The following CADM2 variants were observed in gnomAD, a reference collection of about 807,000 sequenced individuals.
CADM2 encodes the protein cell adhesion molecule 2.
Under a neutral mutation model 49.8 loss-of-function variants are expected in CADM2, and 12 were observed. That is an observed-to-expected ratio of 0.24 (90% CI 0.15 to 0.39). The LOEUF is 0.39. Among genes scored for constraint, CADM2 ranks in the 10% least tolerant of loss-of-function variants. CADM2 has a pLI of 1.00. For synonymous variants in CADM2, 214 were observed against 175.4 expected (o/e 1.22, Z -1.74); for missense variants, 378 against 492.3 (o/e 0.77, Z 2.20).
At chr3:85,912,672 C>A (rs979061989) in intron 6 of CADM2, 129 bp downstream of exon 6, 96 of 804,662 alleles carry the variant, frequency 1.2e-4, no homozygotes, top group Non-Finnish European at 1.7e-4. Context: ...TGAAGTAAAA[C>A]TACATTCACT....
chr3:85,930,655 C>G (rs142066407), intron 6 of CADM2, among the ~76,000 whole-genome samples: 1 of 151,862 alleles, frequency 6.6e-6, no homozygotes, highest in South Asian at 2.1e-4. Context: ...TCTATGATTA[C>G]GAGTTGAATT....
At chr3:85,498,886 T>G (rs1389174171) in intron 1 of CADM2, among the ~76,000 whole-genome samples, 1 of 152,128 alleles carries the variant, frequency 6.6e-6, no homozygotes. Context: ...ATACATATAC[T>G]CAGAAGGTCA....
intron 1 of CADM2, among the ~76,000 whole-genome samples, chr3:85,458,328 T>G (rs952693747): frequency 1.3e-5 from 2 of 152,224 alleles, no homozygotes; most frequent in Non-Finnish European, 2.9e-5. Flanking sequence ...TTATTTTATG[T>G]TATCCCACTC....
chr3:85,298,210 T>C (rs1034596182), intron 1 of CADM2, among the ~76,000 whole-genome samples: 14 of 152,078 alleles, frequency 9.2e-5, no homozygotes, highest in Non-Finnish European at 1.8e-4. Context: ...ATGTTGATGC[T>C]ACTGATGCTT....
intron 1 of CADM2, among the ~76,000 whole-genome samples, chr3:85,005,068 T>G (rs369971499): frequency 7.4e-4 from 112 of 152,248 alleles, no homozygotes; most frequent in African/African-American, 2.6e-3. Flanking sequence ...GCCCCTCCAA[T>G]GAGTAGCTGG....
At chr3:85,619,329 C>T (rs978257369) in intron 1 of CADM2, among the ~76,000 whole-genome samples, 2 of 145,238 alleles carry the variant, frequency 1.4e-5, no homozygotes, top group Admixed American at 1.4e-4. Flanking sequence ...AAAAAAGATG[C>T]AATGGAACTT....
chr3:85,690,481 A>AG (rs2066348196), intron 1 of CADM2, among the ~76,000 whole-genome samples: 1 of 151,996 alleles, frequency 6.6e-6, no homozygotes, highest in Non-Finnish European at 1.5e-5. Flanking sequence ...GGAAATGAAT[A>AG]AAAGTAAATG....
intron 1 of CADM2, among the ~76,000 whole-genome samples, chr3:85,632,307 A>C (rs1288833181): frequency 6.6e-6 from 1 of 152,164 alleles, no homozygotes; most frequent in Non-Finnish European, 1.5e-5. Context: ...TTCCCCAGCC[A>C]TGTGGAACTG....
chr3:86,016,864 C>A (rs1732306051), intron 8 of CADM2, among the ~76,000 whole-genome samples: 1 of 151,866 alleles, frequency 6.6e-6, no homozygotes, highest in Non-Finnish European at 1.5e-5. Context: ...ACTAAGGATT[C>A]AATGAGGGGT....
intron 1 of CADM2, among the ~76,000 whole-genome samples, chr3:84,972,580 T>G (rs2031530725): frequency 2.0e-5 from 3 of 152,192 alleles, no homozygotes; most frequent in Non-Finnish European, 4.4e-5. Context: ...ATTGATTCCT[T>G]TGTCATTTTT....
intron 1 of CADM2, among the ~76,000 whole-genome samples, chr3:85,639,745 G>T (rs1043464561): frequency 6.6e-6 from 1 of 152,084 alleles, no homozygotes; most frequent in African/African-American, 2.4e-5. Context: ...CATTAAGAAG[G>T]AAGAAAGTTT....
intron 1 of CADM2, among the ~76,000 whole-genome samples, chr3:85,066,631 C>T (rs1225338644): frequency 1.3e-5 from 2 of 152,064 alleles, no homozygotes; most frequent in Non-Finnish European, 2.9e-5. Flanking sequence ...GGGCTGTCAT[C>T]CCATCAAAAA....
chr3:85,200,034 A>AT (rs1218296764), intron 1 of CADM2, among the ~76,000 whole-genome samples: 2 of 152,040 alleles, frequency 1.3e-5, no homozygotes, highest in African/African-American at 4.8e-5. Context: ...ATTTACGAAT[A>AT]TTTTTTATTA....
At chr3:85,752,831 C>T (rs2068926599) in intron 2 of CADM2, among the ~76,000 whole-genome samples, 1 of 151,966 alleles carries the variant, frequency 6.6e-6, no homozygotes, top group African/African-American at 2.4e-5. Context: ...TGAATTTAAT[C>T]ATTCAGATGC....
At position 85,299,356 on chromosome 3, in the gene CADM2, C is replaced by T. The variant is rs143608812; in HGVS notation, c.61+339688C>T. Among the ~76,000 whole-genome samples the T allele has an allele frequency of 8.5e-5, 13 of 152,048 alleles. No individual in the cohort carries two copies. In the East Asian group the frequency reaches 9.7e-4, roughly 11 times the overall value. ...TCATCAAGTATTTCGGGCTTTTTAT[C>T]GTTTTTAGGATCAGATGGCATCATG... On this transcript the variant is annotated intron_variant, in intron 1 of 9. Coordinates refer to ENST00000383699, the MANE Select transcript of CADM2 (RefSeq NM_001167675.2).
chr3:85,759,202 A>T (rs2069259387), intron 2 of CADM2, among the ~76,000 whole-genome samples: 1 of 152,084 alleles, frequency 6.6e-6, no homozygotes, highest in Admixed American at 6.6e-5. Context: ...AGAATAAAAG[A>T]CATTGCTTGA....
At chr3:85,671,066 G>A (rs2065720899) in intron 1 of CADM2, among the ~76,000 whole-genome samples, 1 of 152,140 alleles carries the variant, frequency 6.6e-6, no homozygotes, top group Non-Finnish European at 1.5e-5. Flanking sequence ...GCCTTTCATA[G>A]CCAAAGTGGG....
chr3:85,394,226 A>T (rs568166704), intron 1 of CADM2, among the ~76,000 whole-genome samples: 1 of 152,300 alleles, frequency 6.6e-6, no homozygotes, highest in South Asian at 2.1e-4. Context: ...ATCTTCCATA[A>T]ACTATACATT....
intron 1 of CADM2, among the ~76,000 whole-genome samples, chr3:85,133,958 G>T (rs2039327655): frequency 6.6e-6 from 1 of 152,218 alleles, no homozygotes; most frequent in Non-Finnish European, 1.5e-5. Context: ...CCCACGGAGG[G>T]GATGGGAGGC....
Sources: gnomAD v4.1 joint callset for allele counts (sites outside exome capture counted in the v4.1 genomes callset) on GRCh38, gnomAD v4.1.1 for gene constraint, MANE v1.5 for transcripts, NCBI Gene and HGNC (gene_info 2026-07-23, HGNC 2026-07-21) for gene names.